TBC1D15: variants seen among roughly 807,000 people sequenced by gnomAD.
The protein encoded by TBC1D15 is GAP for RAB7.
Under a neutral mutation model 95.4 loss-of-function variants are expected in TBC1D15, and 39 were observed. The observed-to-expected ratio is 0.41, with a 90% CI of 0.32 to 0.53. The LOEUF (loss-of-function observed/expected upper bound fraction) is 0.53. TBC1D15 is among the 20% of genes least tolerant of loss of function. The pLI is 0.29. For synonymous variants in TBC1D15, 258 were observed against 261.3 expected (o/e 0.99, Z 0.12); for missense variants, 733 against 794.3 (o/e 0.92, Z 0.93).
At chr12:71,889,034 G>C (rs1592767748) in intron 5 of TBC1D15, among the ~76,000 whole-genome samples, 1 of 152,098 alleles carries the variant, frequency 6.6e-6, no homozygotes. Flanking sequence ...AGGATAATAT[G>C]TAAGTTTTCC....
At chr12:71,918,275 T>C (rs1349572481) in intron 13 of TBC1D15, among the ~76,000 whole-genome samples, 176 bp from the exon 14 acceptor site, 1 of 152,248 alleles carries the variant, frequency 6.6e-6, no homozygotes, top group African/African-American at 2.4e-5. Context: ...ATGTATTATT[T>C]GTTAGTTTTT....
At chr12:71,861,467 T>C in intron 1 of TBC1D15, 24 of 1,535,702 alleles carry the variant, frequency 1.6e-5, no homozygotes, top group Non-Finnish European at 2.1e-5. Context: ...TTATCCATAC[T>C]CCAGTTTGTT....
chr12:71,879,860 A>G (rs1398441873), intron 3 of TBC1D15, among the ~76,000 whole-genome samples: 3 of 152,200 alleles, frequency 2.0e-5, no homozygotes, highest in African/African-American at 4.8e-5. Flanking sequence ...TAGTTGTGCT[A>G]TCTTTAGCTA....
At chr12:71,921,984 G>T (rs1179002298) in intron 16 of TBC1D15, among the ~76,000 whole-genome samples, 1 of 152,180 alleles carries the variant, frequency 6.6e-6, no homozygotes, top group Non-Finnish European at 1.5e-5. Context: ...TTGCTAAGTT[G>T]CCCAAGCTGG....
At chr12:71,849,097 A>T (rs939261295) in intron 1 of TBC1D15, 3 of 188,318 alleles carry the variant, frequency 1.6e-5, no homozygotes, top group African/African-American at 7.1e-5. Context: ...ATCAGATATT[A>T]ATTTTTTTCA....
At chr12:71,918,682 G>T (rs73140685) in intron 14 of TBC1D15, 134 bp downstream of exon 14, 98 of 546,484 alleles carry the variant, frequency 1.8e-4, no homozygotes, top group Non-Finnish European at 2.6e-4. Flanking sequence ...CTGATGAACT[G>T]GTAGCCTCTT....
intron 5 of TBC1D15, among the ~76,000 whole-genome samples, chr12:71,890,067 T>A (rs999733691): frequency 1.3e-5 from 2 of 152,074 alleles, no homozygotes; most frequent in Non-Finnish European, 2.9e-5. Context: ...GTTTATTTCA[T>A]GCCTTTGCTA....
At chr12:71,917,265 T>C (rs1903940772) in intron 12 of TBC1D15, among the ~76,000 whole-genome samples, 1 of 152,212 alleles carries the variant, frequency 6.6e-6, no homozygotes, top group South Asian at 2.1e-4. Context: ...GATTCTCCAA[T>C]GTAAAGTAAT....
intron 1 of TBC1D15, among the ~76,000 whole-genome samples, chr12:71,869,969 C>T (rs375555897): frequency 1.3e-5 from 2 of 152,216 alleles, no homozygotes. Flanking sequence ...TTTTCTCATC[C>T]TACTCTCCTG....
At chr12:71,910,151 T>A (rs1053018011) in intron 11 of TBC1D15, among the ~76,000 whole-genome samples, 2 of 151,956 alleles carry the variant, frequency 1.3e-5, no homozygotes, top group Non-Finnish European at 2.9e-5. Context: ...TTCTCAGGTT[T>A]GTCAAAGATC....
intron 11 of TBC1D15, among the ~76,000 whole-genome samples, chr12:71,908,465 A>C (rs768544855): frequency 6.6e-6 from 1 of 152,210 alleles, no homozygotes; most frequent in South Asian, 2.1e-4. Flanking sequence ...GATACTTAGC[A>C]CATTAAAACT....
chr12:71,894,430 ATTTG>A (rs1897789992), intron 6 of TBC1D15: 1 of 1,554,642 alleles, frequency 6.4e-7, no homozygotes. Flanking sequence ...CCTGCAAATC[ATTTG>A]TTTATCTGCA....
At chr12:71,856,740 A>T (rs1889171100) in intron 1 of TBC1D15, among the ~76,000 whole-genome samples, 1 of 152,154 alleles carries the variant, frequency 6.6e-6, no homozygotes, top group Non-Finnish European at 1.5e-5. Context: ...GTTGGTGAAT[A>T]CTACAGATTG....
At chr12:71,865,242 G>A (rs1487345728) in intron 1 of TBC1D15, among the ~76,000 whole-genome samples, 1 of 152,216 alleles carries the variant, frequency 6.6e-6, no homozygotes, top group Non-Finnish European at 1.5e-5. Context: ...TGCCCACAGA[G>A]CCAGGATGTA....
At chr12:71,881,740 AC>A (rs758592887) in intron 4 of TBC1D15, among the ~76,000 whole-genome samples, 3 of 151,946 alleles carry the variant, frequency 2.0e-5, no homozygotes, top group East Asian at 1.9e-4. Context: ...AAATGGTGAA[AC>A]CCTGTCTCTA....
intron 16 of TBC1D15, among the ~76,000 whole-genome samples, chr12:71,922,093 C>G (rs1254059707): frequency 6.6e-6 from 1 of 150,850 alleles, no homozygotes; most frequent in Non-Finnish European, 1.5e-5. Context: ...CATGACTTTG[C>G]TTTTTTTTTG....
At chr12:71,843,129 A>G (rs1885475605) in intron 1 of TBC1D15, among the ~76,000 whole-genome samples, 1 of 152,066 alleles carries the variant, frequency 6.6e-6, no homozygotes, top group South Asian at 2.1e-4. Context: ...TACTAAAAAT[A>G]CAAAAGCCGG....
intron 10 of TBC1D15, 93 bp from the exon 11 acceptor site, chr12:71,906,929 G>A: frequency 1.6e-6 from 1 of 633,788 alleles, no homozygotes; most frequent in Non-Finnish European, 2.5e-6. Flanking sequence ...GAAATTAATA[G>A]CAAGAAAAAT....
At position 71,873,772 on chromosome 12, in the gene TBC1D15, A is replaced by G. The variant is rs575349457; in HGVS notation, c.204+769A>G. On this transcript the variant is annotated intron_variant, in intron 3 of 16. Coordinates refer to ENST00000485960, the MANE Select transcript of TBC1D15 (RefSeq NM_001146213.3). ...GTAAACCTAGTGGATATGAAGTTCT[A>G]TTTGTTTCCTAGGGCTACTGTAAAC... Among the ~76,000 whole-genome samples the G allele has an allele frequency of 1.4e-4, 21 of 152,314 alleles. No individual in the cohort carries two copies. In the East Asian group the frequency reaches 1.9e-3, roughly 14 times the overall value.
Sources: gnomAD v4.1 joint callset for allele counts (sites outside exome capture counted in the v4.1 genomes callset) on GRCh38, gnomAD v4.1.1 for gene constraint, MANE v1.5 for transcripts, NCBI Gene and HGNC (gene_info 2026-07-23, HGNC 2026-07-21) for gene names.